EIF4G3: variants seen among roughly 807,000 people sequenced by gnomAD.
EIF4G3 encodes eukaryotic translation initiation factor 4 gamma 3.
Under a neutral mutation model 186.4 loss-of-function variants are expected in EIF4G3, and 34 were observed. That is an observed-to-expected ratio of 0.18 (90% confidence interval 0.14 to 0.24). The LOEUF is 0.24. EIF4G3 is among the 10% of genes least tolerant of loss of function. EIF4G3 has a pLI of 1.00. For synonymous variants in EIF4G3, 673 were observed against 679.5 expected, an observed-to-expected ratio of 0.99 and a Z score of 0.15; for missense variants, 1,536 against 1,948.5, an observed-to-expected ratio of 0.79 and a Z score of 3.99.
chr1:21,031,482 A>G (rs1435740797), intron 4 of EIF4G3, among the ~76,000 whole-genome samples: 1 of 151,826 alleles, frequency 6.6e-6, no homozygotes, highest in Non-Finnish European at 1.5e-5. Context: ...AAGGGCCAGG[A>G]GGTTGCTGAG....
Position 20,893,553 on chromosome 1 carries a change from A to G in EIF4G3, c.2217T>C (p.Asp739=). 1 of 1,603,182 alleles carries G rather than the reference A, an allele frequency of 6.2e-7. No individual in the cohort carries two copies. Among genetic ancestry groups the G allele is most frequent in the Non-Finnish European group, 8.5e-7 (1 of 1,171,858 alleles). ...RGPDFTPAFA[D]FGRQTPGGRG... is the part of the protein sequence containing the mutation. Reference sequence around the variant, plus strand: ...TTCCACCAGGTGTCTGCCTTCCAAAATCAGCAAAGGCTGGTGTAAAGTCTG... The same window carrying G: ...TTCCACCAGGTGTCTGCCTTCCAAAGTCAGCAAAGGCTGGTGTAAAGTCTG... The change falls in exon 18 of 37, where the codon GAT becomes GAC. Residue 739 remains aspartate (D), a synonymous_variant. Transcript: ENST00000602326.
At chr1:21,060,961 T>A (rs1396649047) in intron 3 of EIF4G3, among the ~76,000 whole-genome samples, 2 of 152,180 alleles carry the variant, frequency 1.3e-5, no homozygotes, top group East Asian at 1.9e-4. Context: ...ATACCAAGCA[T>A]TGTACTAGGT....
At chr1:21,056,913 C>A (rs2094585212) in intron 3 of EIF4G3, among the ~76,000 whole-genome samples, 1 of 152,184 alleles carries the variant, frequency 6.6e-6, no homozygotes. Context: ...ATACATCAAC[C>A]ATTTCTTGTA....
Position 20,982,422 on chromosome 1 carries a change from G to C in EIF4G3, c.178-14C>G, listed in dbSNP as rs1355503990. The C allele has an allele frequency of 2.6e-6, 4 of 1,525,440 alleles. No homozygotes were observed. In the South Asian group the frequency reaches 4.9e-5, roughly 19 times the overall value. The allele number at this position is 1,525,440 out of a possible 1,614,324, so 94.5% of individuals were successfully genotyped here. On this transcript the variant is annotated splice_polypyrimidine_tract_variant and intron_variant, in intron 7 of 36. Coordinates refer to ENST00000602326, the MANE Select transcript of EIF4G3 (RefSeq NM_001391906.1). ...TCTGAATCCTCCCTTCAAATATGAAGCAAGAAAGCAGCAGGAAACAGAAAG... is the reference window on the plus strand; with the variant it reads ...TCTGAATCCTCCCTTCAAATATGAACCAAGAAAGCAGCAGGAAACAGAAAG...
At chr1:21,020,808 A>G (rs75685340) in intron 4 of EIF4G3, among the ~76,000 whole-genome samples, 4,180 of 152,308 alleles carry the variant, frequency 0.027, 88 homozygotes, top group Non-Finnish European at 0.038. Context: ...GAGTGAAATA[A>G]AAGAGTGTAA....
At chr1:20,940,607 T>C (rs1035528023) in intron 14 of EIF4G3, among the ~76,000 whole-genome samples, 1 of 152,188 alleles carries the variant, frequency 6.6e-6, no homozygotes, top group African/African-American at 2.4e-5. Context: ...GAGCACTCAT[T>C]TATCAAAAAG....
In EIF4G3 at chr1:21,018,923, C is replaced by CT. The variant is rs138213734; in HGVS notation, c.-66-16116dup. On this transcript the variant is annotated intron_variant, in intron 4 of 36. Transcript: ENST00000602326. Reference sequence around the variant, plus strand: ...ACAGAACCATGAGACTAATAAAGCTCTTTTTTTTTTTTTACCCCCAAATAA... The same window carrying CT: ...ACAGAACCATGAGACTAATAAAGCTCTTTTTTTTTTTTTTACCCCCAAATAA... Among the ~76,000 whole-genome samples, 1,338 of 146,904 alleles carry CT rather than the reference C, an allele frequency of 9.1e-3. 33 individuals carry two copies. The East Asian group carries it at 0.12, about 13-fold the overall frequency.
At position 20,911,747 on chromosome 1, in the gene EIF4G3, A is replaced by T. The variant is rs1251655859; in HGVS notation, c.1664-6776T>A. Among the ~76,000 whole-genome samples, 3 of 151,974 alleles carry T rather than the reference A, an allele frequency of 2.0e-5. No individual in the cohort carries two copies. In the East Asian group the frequency reaches 5.8e-4, roughly 29 times the overall value. On this transcript the variant is annotated intron_variant, in intron 14 of 36. Transcript: ENST00000602326. ...TTATTAATCAGGTAGTCATCCAAGT[A>T]AGTTGTAAGAGTTTAACATTTTTTC...
intron 4 of EIF4G3, among the ~76,000 whole-genome samples, chr1:21,035,822 G>C (rs555059584): frequency 2.4e-4 from 36 of 152,310 alleles, no homozygotes; most frequent in Admixed American, 1.2e-3. Context: ...TGAAGGCTAG[G>C]GGTGGGCTAC....
At chr1:21,116,487 A>G (rs913038607) in intron 2 of EIF4G3, among the ~76,000 whole-genome samples, 2 of 152,144 alleles carry the variant, frequency 1.3e-5, no homozygotes, top group African/African-American at 4.8e-5. Flanking sequence ...ATAACCATAA[A>G]TAAGACACAG....
At chr1:21,050,498 AG>A (rs535659133) in intron 4 of EIF4G3, among the ~76,000 whole-genome samples, 1 of 152,358 alleles carries the variant, frequency 6.6e-6, no homozygotes, top group East Asian at 1.9e-4. Context: ...TCACATAAGT[AG>A]AAAATAACCA....
chr1:20,850,809 T>C (rs1406091213), intron 28 of EIF4G3, among the ~76,000 whole-genome samples: 1 of 152,204 alleles, frequency 6.6e-6, no homozygotes, highest in Non-Finnish European at 1.5e-5. Flanking sequence ...ATATACATGC[T>C]AAATGCATAC....
At chr1:20,901,751 T>C (rs1157481978) in intron 15 of EIF4G3, among the ~76,000 whole-genome samples, 2 of 152,182 alleles carry the variant, frequency 1.3e-5, no homozygotes, top group African/African-American at 2.4e-5. Context: ...TATGGGTTTT[T>C]TTTAAAGCAG....
chr1:20,993,600 C>A (rs1169931221), intron 7 of EIF4G3, among the ~76,000 whole-genome samples: 1 of 152,138 alleles, frequency 6.6e-6, no homozygotes, highest in Non-Finnish European at 1.5e-5. Flanking sequence ...TTAAAAACAT[C>A]ATCCAACAAC....
intron 2 of EIF4G3, among the ~76,000 whole-genome samples, chr1:21,164,158 G>C (rs1053678908): frequency 6.6e-6 from 1 of 152,074 alleles, no homozygotes; most frequent in African/African-American, 2.4e-5. Flanking sequence ...ATTTTAACCT[G>C]ACAGAACTAA....
At chr1:20,867,224 CT>C (rs148194346) in intron 20 of EIF4G3, among the ~76,000 whole-genome samples, 2 of 152,194 alleles carry the variant, frequency 1.3e-5, no homozygotes, top group African/African-American at 4.8e-5. Flanking sequence ...CATGGAAGCA[CT>C]TTAATAAGCC....
At chr1:20,926,146 A>G (rs2094871887) in intron 14 of EIF4G3, among the ~76,000 whole-genome samples, 1 of 152,180 alleles carries the variant, frequency 6.6e-6, no homozygotes, top group South Asian at 2.1e-4. Flanking sequence ...TATTTACAGG[A>G]TATGTAGCTT....
At chr1:20,938,904 C>G (rs907279020) in intron 14 of EIF4G3, among the ~76,000 whole-genome samples, 2 of 151,900 alleles carry the variant, frequency 1.3e-5, no homozygotes, top group African/African-American at 2.4e-5. Flanking sequence ...GTCAGTAGTT[C>G]GAGACCAGCC....
At chr1:20,874,270 T>C (rs2080117464) in intron 20 of EIF4G3, among the ~76,000 whole-genome samples, 1 of 152,152 alleles carries the variant, frequency 6.6e-6, no homozygotes, top group Admixed American at 6.5e-5. Flanking sequence ...CGTCATACTG[T>C]TGAACCAACT....
Sources: gnomAD v4.1 joint callset for allele counts (sites outside exome capture counted in the v4.1 genomes callset) on GRCh38, gnomAD v4.1.1 for gene constraint, MANE v1.5 for transcripts, NCBI Gene and HGNC (gene_info 2026-07-23, HGNC 2026-07-21) for gene names.